The following ZNF407 variants were observed in gnomAD, a reference collection of about 807,000 sequenced individuals.
ZNF407 encodes the protein zinc finger protein 407.
A neutral mutation model predicts 131.2 loss-of-function variants in ZNF407; 17 were observed. The observed-to-expected ratio is 0.13, with a 90% CI of 0.09 to 0.19. The LOEUF is 0.19. ZNF407 is among the 10% of genes least tolerant of loss of function. The probability of loss-of-function intolerance (pLI) is 1.00; values close to 1 mark genes in which losing one functional copy is unlikely to be tolerated. For missense variants in ZNF407, 2,681 were observed against 2,830.6 expected (o/e 0.95, Z 1.20); for synonymous variants, 1,156 against 1,062.0 (o/e 1.09, Z -1.72).
intron 3 of ZNF407, among the ~76,000 whole-genome samples, chr18:74,662,503 T>G (rs772133027): frequency 3.3e-5 from 5 of 152,176 alleles, no homozygotes; most frequent in Non-Finnish European, 7.3e-5. Flanking sequence ...GAGAAATAAG[T>G]AGGTTTTAGC....
At chr18:74,848,310 G>A (rs1378478693) in intron 4 of ZNF407, among the ~76,000 whole-genome samples, 2 of 152,154 alleles carry the variant, frequency 1.3e-5, no homozygotes, top group Non-Finnish European at 2.9e-5. Context: ...GGTCAGCAGA[G>A]TCATTTTTGG....
At chr18:74,668,511 G>A (rs1385023768) in intron 3 of ZNF407, among the ~76,000 whole-genome samples, 3 of 152,186 alleles carry the variant, frequency 2.0e-5, no homozygotes, top group Non-Finnish European at 4.4e-5. Context: ...AGTGTTCAGA[G>A]TGTTTCTACA....
chr18:74,694,589 A>T (rs1226825850), intron 3 of ZNF407, among the ~76,000 whole-genome samples: 2 of 152,106 alleles, frequency 1.3e-5, no homozygotes, highest in Non-Finnish European at 2.9e-5. Context: ...ACCAAGTTCC[A>T]ACTGATTCAT....
Position 74,781,438 on chromosome 18 carries a change from G to C in ZNF407, c.4813G>C (p.Val1605Leu). ...YKCHVCGVAF[V>L]MKKHLNTHLL... The stretch of plus-strand genomic sequence containing the variant: ...TTGTTTATTTTTTAGGGTTGCTTTT[G>C]TAATGAAGAAGCACTTAAATACTCA... Residue 1605 changes from valine to leucine, a missense_variant, in exon 4 of 9, where the codon GTA becomes CTA. This residue lies in a region of ZNF407 where 213 missense variants were observed against 332.2 expected (regional missense o/e 0.64). Coordinates refer to ENST00000299687, the MANE Select transcript of ZNF407 (RefSeq NM_017757.3). 1.3e-6 allele frequency: 2 copies of C among 1,541,000 alleles called. No individual in the cohort carries two copies. Among genetic ancestry groups the C allele is most frequent in the Non-Finnish European group, 1.8e-6 (2 of 1,142,834 alleles).
chr18:74,975,155 G>T (rs1042131981), intron 8 of ZNF407, among the ~76,000 whole-genome samples: 1 of 152,174 alleles, frequency 6.6e-6, no homozygotes, highest in Non-Finnish European at 1.5e-5. Flanking sequence ...AATGCATAGA[G>T]CTGACATCCT....
At chr18:74,780,011 C>T (rs1434491851) in intron 3 of ZNF407, among the ~76,000 whole-genome samples, 2 of 47,672 alleles carry the variant, frequency 4.2e-5, no homozygotes, top group East Asian at 7.8e-4. Context: ...GAAACAAATA[C>T]AGAATTTTTG....
rs1984153755 is a variant in ZNF407, at chr18:74,632,393, G to A, written c.1374G>A (p.Arg458=). The A allele has an allele frequency of 1.9e-6, 3 of 1,614,006 alleles. No homozygotes were observed. The highest frequency in any genetic ancestry group is 2.5e-6 in the Non-Finnish European group (3 of 1,179,896). The stretch of plus-strand genomic sequence containing the variant: ...AAAGAGGTACAAGTGAAACTCAGAG[G>A]ATGTATATGAAACACTTGAGAACAC... ...GIKRGTSETQ[R]MYMKHLRTQM... is the part of the protein sequence containing the mutation. The change falls in exon 2 of 9, where the codon AGG becomes AGA. Residue 458 remains arginine, a synonymous_variant. Transcript: ENST00000299687.
At chr18:74,670,756 C>T (rs1434621661) in intron 3 of ZNF407, among the ~76,000 whole-genome samples, 2 of 152,290 alleles carry the variant, frequency 1.3e-5, no homozygotes, top group African/African-American at 4.8e-5. Flanking sequence ...TAGCTCGCTG[C>T]AGCCTTTAAC....
At chr18:74,707,389 G>A (rs1185436294) in intron 3 of ZNF407, among the ~76,000 whole-genome samples, 2 of 152,234 alleles carry the variant, frequency 1.3e-5, no homozygotes, top group African/African-American at 2.4e-5. Context: ...CCAAATGCTT[G>A]GAACAGAACT....
intron 4 of ZNF407, among the ~76,000 whole-genome samples, chr18:74,829,218 T>C (rs1379102545): frequency 6.6e-6 from 1 of 152,230 alleles, no homozygotes; most frequent in African/African-American, 2.4e-5. Context: ...GGGCTGTTTA[T>C]CCATCATTTT....
At chr18:74,732,082 G>A (rs1283104540) in intron 3 of ZNF407, among the ~76,000 whole-genome samples, 1 of 152,136 alleles carries the variant, frequency 6.6e-6, no homozygotes, top group Non-Finnish European at 1.5e-5. Flanking sequence ...AACATTTTAA[G>A]TGTTTCACTT....
chr18:74,771,013 A>T (rs1184808638), intron 3 of ZNF407, among the ~76,000 whole-genome samples: 2 of 152,174 alleles, frequency 1.3e-5, no homozygotes, highest in African/African-American at 4.8e-5. Flanking sequence ...AATAATAATT[A>T]TAAAGAATTT....
chr18:74,682,235 T>C (rs1418402748), intron 3 of ZNF407, among the ~76,000 whole-genome samples: 3 of 152,206 alleles, frequency 2.0e-5, no homozygotes, highest in Non-Finnish European at 4.4e-5. Flanking sequence ...GATCCTTGGA[T>C]GTGTTAGTTA....
At chr18:74,906,483 A>G (rs1971596681) in intron 7 of ZNF407, among the ~76,000 whole-genome samples, 1 of 152,348 alleles carries the variant, frequency 6.6e-6, no homozygotes, top group South Asian at 2.1e-4. Flanking sequence ...GTGTTTTTCA[A>G]ATAGATGTTT....
At chr18:74,800,482 T>C (rs1396753802) in intron 4 of ZNF407, among the ~76,000 whole-genome samples, 2 of 152,128 alleles carry the variant, frequency 1.3e-5, no homozygotes, top group Non-Finnish European at 2.9e-5. Context: ...TCTTTTTTGC[T>C]TGCTTTCTTG....
At chr18:74,773,208 G>A (rs1969397504) in intron 3 of ZNF407, among the ~76,000 whole-genome samples, 1 of 152,128 alleles carries the variant, frequency 6.6e-6, no homozygotes, top group African/African-American at 2.4e-5. Context: ...GATAAGATGA[G>A]GAACGAGAAT....
chr18:75,044,551 C>G (rs1004669001), intron 8 of ZNF407, among the ~76,000 whole-genome samples: 1 of 152,138 alleles, frequency 6.6e-6, no homozygotes, highest in Non-Finnish European at 1.5e-5. Flanking sequence ...GTATTAGGAA[C>G]AGCCCTAGGT....
chr18:74,979,055 A>G (rs927767664), intron 8 of ZNF407, among the ~76,000 whole-genome samples: 2 of 152,154 alleles, frequency 1.3e-5, no homozygotes, highest in African/African-American at 4.8e-5. Context: ...CGCGGGCAGC[A>G]CTGCTTTTGA....
chr18:74,928,486 T>C lies in ZNF407; in HGVS notation c.5428+7794T>C, dbSNP rs552560465. ...ATTTCTGCTGGATCTGGAGAAGACATGGAAAGGGAAGGAGATTCTCTACAG... is the reference window on the plus strand; with the variant it reads ...ATTTCTGCTGGATCTGGAGAAGACACGGAAAGGGAAGGAGATTCTCTACAG... On this transcript the variant is annotated intron_variant, in intron 8 of 8. Transcript: ENST00000299687. Among the ~76,000 whole-genome samples, 154 of 152,218 alleles carry C rather than the reference T, an allele frequency of 1.0e-3. 1 individual carries two copies. The highest frequency in any genetic ancestry group is 1.7e-3 in the Non-Finnish European group (114 of 68,008).
Sources: allele counts gnomAD v4.1 joint callset (sites outside exome capture counted in the v4.1 genomes callset), GRCh38; gene constraint gnomAD v4.1.1; regional missense constraint gnomAD v4.1.1; transcripts MANE v1.5; gene names NCBI Gene and HGNC (gene_info 2026-07-23, HGNC 2026-07-21).